Variants in IQCM observed in about 807,000 individuals in gnomAD.
The protein encoded by IQCM is IQ motif containing M.
IQCM carries 45 observed loss-of-function variants against 57.6 expected under a neutral mutation model. That is an observed-to-expected ratio of 0.78 (90% CI 0.62 to 1.00). The LOEUF is 1.00. Among genes scored for constraint, IQCM ranks in the 50% least tolerant of loss-of-function variants. The pLI, the probability that IQCM is intolerant of heterozygous loss-of-function variation, is 0.00. For missense variants in IQCM, 468 were observed against 511.6 expected, an observed-to-expected ratio of 0.91 and a Z score of 0.82; for synonymous variants, 148 against 158.9, an observed-to-expected ratio of 0.93 and a Z score of 0.51.
At chr4:149,361,214 C>T (rs1416671401) in intron 13 of IQCM, among the ~76,000 whole-genome samples, 1 of 152,168 alleles carries the variant, frequency 6.6e-6, no homozygotes, top group Non-Finnish European at 1.5e-5. Context: ...CAAGAAGTGA[C>T]TTGGGTACTG....
intron 12 of IQCM, among the ~76,000 whole-genome samples, chr4:149,437,152 C>T (rs1036263054): frequency 6.6e-6 from 1 of 152,084 alleles, no homozygotes; most frequent in Non-Finnish European, 1.5e-5. Flanking sequence ...ATTGTTTTAA[C>T]CAATGGTTCC....
chr4:149,494,626 A>G (rs1465861609), intron 12 of IQCM, among the ~76,000 whole-genome samples: 1 of 152,108 alleles, frequency 6.6e-6, no homozygotes, highest in Non-Finnish European at 1.5e-5. Flanking sequence ...AGCCTTCAGC[A>G]CTCCATCTGC....
chr4:149,730,728 CCTATT>C (rs1398335953), intron 5 of IQCM, among the ~76,000 whole-genome samples: 1 of 152,132 alleles, frequency 6.6e-6, no homozygotes, highest in Non-Finnish European at 1.5e-5. Context: ...CAGATATCCT[CCTATT>C]CACTTTAAAG....
intron 6 of IQCM, among the ~76,000 whole-genome samples, chr4:149,683,697 A>G (rs544197065): frequency 5.1e-4 from 78 of 151,458 alleles, no homozygotes; most frequent in African/African-American, 1.7e-3. Flanking sequence ...TAGTCAATGG[A>G]TAAGTGTTAT....
chr4:149,368,867 CATATATACACGTGTATATATATGT>C (rs1560779259), intron 13 of IQCM, among the ~76,000 whole-genome samples: 1 of 49,118 alleles, frequency 2.0e-5, no homozygotes, highest in Non-Finnish European at 4.2e-5. Flanking sequence ...TATATATATA[CATATATACACGTGTATATATATGT>C]ATATATATAC....
intron 12 of IQCM, among the ~76,000 whole-genome samples, chr4:149,516,123 C>G (rs905005722): frequency 6.6e-6 from 1 of 152,158 alleles, no homozygotes; most frequent in Non-Finnish European, 1.5e-5. Context: ...TTGATTAGTG[C>G]CCAATTTGCC....
chr4:149,683,825 A>G (rs763287149), intron 6 of IQCM, among the ~76,000 whole-genome samples: 53 of 151,384 alleles, frequency 3.5e-4, no homozygotes, highest in Non-Finnish European at 5.0e-4. Flanking sequence ...ATTAAGATGA[A>G]ATGGCAGTTG....
Position 149,584,228 on chromosome 4 carries a change from G to GT in IQCM, c.749+3701dup, listed in dbSNP as rs1335211007. ...ATAAACTTCTTTTCCTTTAAAAATG[G>GT]TTTTAGAATTTCTCAACCATATTTT... On this transcript the variant is annotated intron_variant, in intron 9 of 13. Transcript: ENST00000636793. Among the ~76,000 whole-genome samples the GT allele has an allele frequency of 3.8e-4, 58 of 151,452 alleles. 1 individual carries two copies. The highest frequency in any genetic ancestry group is 1.4e-3 in the African/African-American group (58 of 41,432).
chr4:149,628,636 T>C (rs1251144924), intron 7 of IQCM, among the ~76,000 whole-genome samples: 3 of 152,168 alleles, frequency 2.0e-5, no homozygotes, highest in East Asian at 1.9e-4. Flanking sequence ...AAACATACTA[T>C]GTAATAATTT....
intron 12 of IQCM, among the ~76,000 whole-genome samples, chr4:149,516,148 A>G (rs1051627092): frequency 1.3e-5 from 2 of 152,196 alleles, no homozygotes; most frequent in African/African-American, 4.8e-5. Context: ...GCAGAGACCA[A>G]CACTGAGTCC....
rs1347632620 is a variant in IQCM at position 149,620,980 on chromosome 4, T to C, written c.681+149A>G. The C allele has an allele frequency of 2.5e-5, 10 of 400,368 alleles. No individual in the cohort carries two copies. In the Admixed American group the frequency reaches 4.4e-4, roughly 18 times the overall value. The allele number at this position is 400,368 out of a possible 1,614,324, so 24.8% of individuals were successfully genotyped here. On this transcript the variant is annotated intron_variant, in intron 8 of 13. Coordinates refer to ENST00000636793, the MANE Select transcript of IQCM (RefSeq NM_001363507.2). ...AGACACAAGAACAAAACTAAAGCAA[T>C]GCTTCAGAAAAAATGAATTTCAGTG...
intron 5 of IQCM, among the ~76,000 whole-genome samples, chr4:149,694,461 A>G (rs561417891): frequency 6.6e-6 from 1 of 151,856 alleles, no homozygotes; most frequent in Admixed American, 6.6e-5. Context: ...TTTCTCAGAT[A>G]CCGTAGATAA....
intron 8 of IQCM, among the ~76,000 whole-genome samples, chr4:149,599,899 A>C (rs1220256356): frequency 6.6e-6 from 1 of 152,206 alleles, no homozygotes; most frequent in Non-Finnish European, 1.5e-5. Flanking sequence ...GCCAGATTGA[A>C]GAAATGAATT....
chr4:149,791,821 A>G (rs1772648385), intron 2 of IQCM, among the ~76,000 whole-genome samples: 1 of 152,162 alleles, frequency 6.6e-6, no homozygotes, highest in Admixed American at 6.5e-5. Context: ...ATCAATTGCA[A>G]ACAGTCATTA....
intron 6 of IQCM, 103 bp downstream of exon 6, chr4:149,686,275 G>T (rs891151331): frequency 4.6e-6 from 2 of 434,904 alleles, no homozygotes; most frequent in Non-Finnish European, 7.7e-6. Flanking sequence ...TCATGTATGG[G>T]GTGTTAATAG....
chr4:149,417,259 C>A (rs1733809115), intron 13 of IQCM, among the ~76,000 whole-genome samples: 1 of 152,102 alleles, frequency 6.6e-6, no homozygotes, highest in Admixed American at 6.6e-5. Context: ...GGAACATTTG[C>A]CACAGGCTGA....
intron 13 of IQCM, among the ~76,000 whole-genome samples, chr4:149,390,519 A>G (rs1315278899): frequency 2.6e-5 from 4 of 151,884 alleles, no homozygotes; most frequent in Admixed American, 6.6e-5. Flanking sequence ...TTAGGGGAAA[A>G]GTAATAATTC....
At chr4:149,386,261 G>A (rs1731418330) in intron 13 of IQCM, among the ~76,000 whole-genome samples, 2 of 152,172 alleles carry the variant, frequency 1.3e-5, no homozygotes, top group South Asian at 4.1e-4. Context: ...CCAGTGGAGA[G>A]AGAAGAATGA....
intron 2 of IQCM, among the ~76,000 whole-genome samples, chr4:149,765,505 T>C (rs1210182138): frequency 6.6e-6 from 1 of 152,032 alleles, no homozygotes; most frequent in Non-Finnish European, 1.5e-5. Flanking sequence ...TAACAGAAAT[T>C]ATAGTTTCAC....
Sources: allele counts gnomAD v4.1 joint callset (sites outside exome capture counted in the v4.1 genomes callset), GRCh38; gene constraint gnomAD v4.1.1; transcripts MANE v1.5; gene names NCBI Gene and HGNC (gene_info 2026-07-23, HGNC 2026-07-21).